Variants in NSD2 observed in about 807,000 individuals in gnomAD.
NSD2 encodes the protein histone-lysine N-methyltransferase NSD2.
NSD2 carries 12 observed loss-of-function variants against 139.0 expected under a neutral mutation model. The ratio of observed to expected loss-of-function variants is 0.09; its 90% CI spans 0.06 to 0.14. NSD2 has a LOEUF of 0.14. Among genes scored for constraint, NSD2 ranks in the 10% least tolerant of loss-of-function variants. NSD2 has a pLI of 1.00. For missense variants in NSD2, 1,155 were observed against 1,745.0 expected (o/e 0.66, Z 6.02); for synonymous variants, 669 against 648.7 (o/e 1.03, Z -0.48).
chr4:1,918,522 T>C lies in NSD2; in HGVS notation c.1309T>C (p.Ser437Pro). The C allele has an allele frequency of 6.2e-7, 1 of 1,613,594 alleles. No individual in the cohort carries two copies. Among genetic ancestry groups the C allele is most frequent in the Non-Finnish European group, 8.5e-7 (1 of 1,179,856 alleles). Residue 437 changes from serine (S) to proline (P), a missense_variant, in exon 5 of 22, where the codon TCT (serine) becomes CCT (proline). Ser to Pro is a moderately conservative substitution (Grantham distance 74). Transcript: ENST00000508803. ...AEADPRRGVG[S>P]PPGRKKTTVS... ...GGCTGACCCCAGAAGAGGAGTAGGGTCTCCTCCTGGGAGGAAGAAGACCAC... is the reference window on the plus strand; with the variant it reads ...GGCTGACCCCAGAAGAGGAGTAGGGCCTCCTCCTGGGAGGAAGAAGACCAC...
rs74372602 is a variant in NSD2 at position 1,980,595 on chromosome 4, C to T, written c.*1686C>T. The T allele has an allele frequency of 2.6e-5, 6 of 233,056 alleles. No individual in the cohort carries two copies. The highest frequency in any genetic ancestry group is 3.6e-4 in the South Asian group (2 of 5,524). 14.4% of individuals were successfully genotyped at this position (233,056 alleles called of 1,614,324 possible). On this transcript the variant is annotated 3_prime_UTR_variant, in exon 22 of 22. Transcript: ENST00000508803. ...ACTCCGTGGTTTTGTGACCTGTAAG[C>T]GTGGGGTTCAGGGGTGTGTGGCCCT...
In NSD2 at chr4:1,973,930, C is replaced by T. The variant is rs1356034663; in HGVS notation, c.3373-933C>T. On this transcript the variant is annotated intron_variant, in intron 18 of 21. Transcript: ENST00000508803. This position sits in a 1 kb window ranked among gnomAD's most constrained non-coding sequence, Gnocchi z 5.5. ...CCCTGCTGCTGGGTGGAGATGTTGT[C>T]TCCAGTTCCTGCCTTTGGCCTCCAG... Among the ~76,000 whole-genome samples the T allele has an allele frequency of 6.6e-6, 1 of 152,202 alleles. No homozygotes were observed. Among genetic ancestry groups the T allele is most frequent in the Non-Finnish European group, 1.5e-5 (1 of 68,044 alleles).
At position 1,948,851 on chromosome 4, in the gene NSD2, C is replaced by T. The variant is rs1279541295; in HGVS notation, c.1882-2221C>T. The T allele has an allele frequency of 1.0e-6, 1 of 989,234 alleles. No homozygotes were observed. Among genetic ancestry groups the T allele is most frequent in the South Asian group, 4.8e-5 (1 of 20,896 alleles). 61.3% of individuals were successfully genotyped at this position (989,234 alleles called of 1,614,324 possible). A position where few individuals can be genotyped will look rare whatever the true frequency, so the allele number is the denominator to read the frequency against. ...ACTGCTTTGTGTTTTCTGTCTTTCTCTCCATGCATTTTTTTTCTCATTTTT... is the reference window on the plus strand; with the variant it reads ...ACTGCTTTGTGTTTTCTGTCTTTCTTTCCATGCATTTTTTTTCTCATTTTT... On this transcript the variant is annotated intron_variant, in intron 9 of 21. Coordinates refer to ENST00000508803, the MANE Select transcript of NSD2 (RefSeq NM_001042424.3). The surrounding 1 kb of genome is among the most constrained non-coding windows in gnomAD (Gnocchi z 4.5).
At position 1,933,433 on chromosome 4, in the gene NSD2, C is replaced by T. The variant is rs115214623; in HGVS notation, c.1556-1711C>T. 4.8e-3 allele frequency among the ~76,000 whole-genome samples: 728 copies of T among 152,210 alleles called. 3 individuals are homozygous for T. The highest frequency in any genetic ancestry group is 0.011 in the African/African-American group (455 of 41,552). On this transcript the variant is annotated intron_variant, in intron 6 of 21. Coordinates refer to ENST00000508803, the MANE Select transcript of NSD2 (RefSeq NM_001042424.3). ...TTGGAGTCTTGCTCTGTCGCCCAGGCGGCTGGAGTGCAGTGGCGCGATCTC... is the reference window on the plus strand; with the variant it reads ...TTGGAGTCTTGCTCTGTCGCCCAGGTGGCTGGAGTGCAGTGGCGCGATCTC...
chr4:1,893,951 C>T (rs1179204806), intron 1 of NSD2: 2 of 152,046 alleles, frequency 1.3e-5, no homozygotes, highest in African/African-American at 4.8e-5. Flanking sequence ...GATTGATTGA[C>T]AGACAGTCTT....
rs1726711301 is a variant in NSD2 at position 1,973,467 on chromosome 4, A to T, written c.3373-1396A>T. Among the ~76,000 whole-genome samples, 1 of 152,256 alleles carries T rather than the reference A, an allele frequency of 6.6e-6. No individual in the cohort carries two copies. Among genetic ancestry groups the T allele is most frequent in the Non-Finnish European group, 1.5e-5 (1 of 68,042 alleles). On this transcript the variant is annotated intron_variant, in intron 18 of 21. Coordinates refer to ENST00000508803, the MANE Select transcript of NSD2 (RefSeq NM_001042424.3). This position sits in a 1 kb window ranked among gnomAD's most constrained non-coding sequence, Gnocchi z 5.5. The stretch of plus-strand genomic sequence containing the variant: ...CATCAGCACCGCGGCTCAGCGCGTC[A>T]TGACAAAGCATCTGCAGAGGGCAGA...
rs192073469 is a variant in NSD2, at chr4:1,953,684, A to G, written c.2338+160A>G. ...GGCTGGGTTGGGTTTTCTTTGACAA[A>G]GGACCTGTCTCCCTTTTCCTTCTTT... On this transcript the variant is annotated intron_variant, in intron 12 of 21. Transcript: ENST00000508803. Among the ~76,000 whole-genome samples the G allele has an allele frequency of 1.1e-3, 167 of 152,326 alleles. 1 individual carries two copies. The highest frequency in any genetic ancestry group is 3.9e-3 in the African/African-American group (164 of 41,572).
At chr4:1,908,553 ATAATCT>A (rs1718243288) in intron 3 of NSD2, among the ~76,000 whole-genome samples, 1 of 152,256 alleles carries the variant, frequency 6.6e-6, no homozygotes, top group South Asian at 2.1e-4. Flanking sequence ...GGAGATTCAG[ATAATCT>A]TAAAAGAAAA....
In NSD2 at chr4:1,918,334, C is replaced by A. The variant is rs773370922; in HGVS notation, c.1121C>A (p.Ala374Glu). ...GIAAESLGEM[A>E]ESSGVSEEAA... The stretch of plus-strand genomic sequence containing the variant: ...GCTGCAGAGTCTTTGGGAGAAATGG[C>A]AGAATCCTCAGGAGTCAGTGAAGAA... Residue 374 changes from alanine (A) to glutamate (E), a missense_variant, in exon 5 of 22, where the codon GCA (alanine) becomes GAA (glutamate). Coordinates refer to ENST00000508803, the MANE Select transcript of NSD2 (RefSeq NM_001042424.3). 6.2e-7 allele frequency: 1 copy of A among 1,614,024 alleles called. No individual in the cohort carries two copies. Among genetic ancestry groups the A allele is most frequent in the East Asian group, 2.2e-5 (1 of 44,852 alleles).
intron 20 of NSD2, chr4:1,975,633 G>A (rs1281345764): frequency 1.2e-5 from 6 of 513,758 alleles, no homozygotes; most frequent in East Asian, 9.8e-5. Context: ...TCACAGACGC[G>A]TGGTTTCGCA....
At position 1,900,976 on chromosome 4, in the gene NSD2, A is replaced by T. The variant is rs1362608884; in HGVS notation, c.322A>T (p.Ile108Phe). The T allele has an allele frequency of 6.2e-7, 1 of 1,614,184 alleles. No individual in the cohort carries two copies. Among genetic ancestry groups the T allele is most frequent in the South Asian group, 1.1e-5 (1 of 91,084 alleles). ...LRFESQEMKG[I>F]GTPPNTTPIK... ...TTTTGAGTCCCAGGAAATGAAAGGG[A>T]TTGGGACACCCCCTAACACTACCCC... Residue 108 changes from isoleucine (I) to phenylalanine (F), a missense_variant, in exon 2 of 22, where the codon ATT (isoleucine) becomes TTT (phenylalanine). Transcript: ENST00000508803.
chr4:1,942,851 C>T lies in NSD2; in HGVS notation c.1881+3073C>T. ...GAGTCCTCATCAGCTGTTCTCATTG[C>T]CAGTGAGATATATTCAGTATTGTAG... On this transcript the variant is annotated intron_variant, in intron 9 of 21. Coordinates refer to ENST00000508803, the MANE Select transcript of NSD2 (RefSeq NM_001042424.3). The surrounding 1 kb of genome is among the most constrained non-coding windows in gnomAD (Gnocchi z 4.0). 1 of 1,065,216 alleles carries T rather than the reference C, an allele frequency of 9.4e-7. No homozygotes were observed. Among genetic ancestry groups the T allele is most frequent in the Non-Finnish European group, 1.1e-6 (1 of 879,042 alleles). The allele number at this position is 1,065,216 out of a possible 1,614,324, so 66.0% of individuals were successfully genotyped here. A position where few individuals can be genotyped will look rare whatever the true frequency, so the allele number is the denominator to read the frequency against.
chr4:1,940,717 C>T (rs1482101514), intron 9 of NSD2: 1 of 1,061,220 alleles, frequency 9.4e-7, no homozygotes, highest in Non-Finnish European at 1.1e-6. Flanking sequence ...AGGCCCCTTA[C>T]TCTTGCTGAG....
intron 7 of NSD2, among the ~76,000 whole-genome samples, 155 bp downstream of exon 7, chr4:1,935,417 C>CAG (rs1722275473): frequency 6.6e-6 from 1 of 152,330 alleles, no homozygotes; most frequent in South Asian, 2.1e-4. Context: ...GCATTTCTTA[C>CAG]AGAACCCCAT....
intron 1 of NSD2, among the ~76,000 whole-genome samples, chr4:1,896,826 C>CTT: frequency 1.5e-5 from 2 of 133,890 alleles, no homozygotes; most frequent in South Asian, 4.8e-4. Context: ...CTTTCTTTTC[C>CTT]TTTCTTCTCT....
At position 1,961,079 on chromosome 4, in the gene NSD2, G is replaced by A. The variant is rs1725319850; in HGVS notation, c.3300G>A (p.Glu1100=). Residue 1100 remains glutamate (E), a synonymous_variant, in exon 18 of 22, where the codon GAG becomes GAA. Transcript: ENST00000508803. ...ACGTTGGGGAGCTGATCGACGAGGA[G>A]GAGTGCATGGCGAGAATCAAGCACG... ...NEYVGELIDE[E]ECMARIKHAH... is the part of the protein sequence containing the mutation. The A allele has an allele frequency of 1.2e-6, 2 of 1,613,706 alleles. No individual in the cohort carries two copies. Among genetic ancestry groups the A allele is most frequent in the Non-Finnish European group, 1.7e-6 (2 of 1,179,648 alleles).
chr4:1,889,908 G>A (rs905927781), intron 1 of NSD2, among the ~76,000 whole-genome samples: 1 of 151,666 alleles, frequency 6.6e-6, no homozygotes, highest in Non-Finnish European at 1.5e-5. Context: ...GTTCAGTGTT[G>A]TGCAAAAGTT....
rs1007140898 is a variant in NSD2, at chr4:1,979,844, C to T, written c.*935C>T. 1.3e-5 allele frequency: 3 copies of T among 232,430 alleles called. No homozygotes were observed. The highest frequency in any genetic ancestry group is 6.1e-5 in the East Asian group (1 of 16,526). The allele number at this position is 232,430 out of a possible 1,614,324, so 14.4% of individuals were successfully genotyped here. The stretch of plus-strand genomic sequence containing the variant: ...ACTGATGCGGCCCTGAGCTCCATGG[C>T]GAAAGGAGTGACTTTGCAGGGCGTG... On this transcript the variant is annotated 3_prime_UTR_variant, in exon 22 of 22. Coordinates refer to ENST00000508803, the MANE Select transcript of NSD2 (RefSeq NM_001042424.3).
At position 1,958,225 on chromosome 4, in the gene NSD2, T is replaced by G. The variant is rs1725024806; in HGVS notation, c.2985+189T>G. 6.6e-6 allele frequency among the ~76,000 whole-genome samples: 1 copy of G among 152,182 alleles called. No individual in the cohort carries two copies. Among genetic ancestry groups the G allele is most frequent in the Non-Finnish European group, 1.5e-5 (1 of 68,022 alleles). ...ATGGGGGGATCTGCATGGGGGTTCT[T>G]GGATCCGCCTTGGAGTGTGAGGCTT... On this transcript the variant is annotated intron_variant, in intron 16 of 21. Transcript: ENST00000508803. The surrounding 1 kb of genome is among the most constrained non-coding windows in gnomAD (Gnocchi z 4.6).
Sources: allele counts gnomAD v4.1 joint callset (sites outside exome capture counted in the v4.1 genomes callset), GRCh38; gene constraint gnomAD v4.1.1; non-coding constraint Gnocchi (gnomAD v3.1); transcripts MANE v1.5; gene names NCBI Gene and HGNC (gene_info 2026-07-23, HGNC 2026-07-21).